The following PTN variants were observed in gnomAD, a reference collection of about 807,000 sequenced individuals.
The protein encoded by PTN is pleiotrophin.
Under a neutral mutation model 24.1 loss-of-function variants are expected in PTN, and 18 were observed. That is an observed-to-expected ratio of 0.75 (90% confidence interval 0.52 to 1.11). The LOEUF (loss-of-function observed/expected upper bound fraction) is 1.11, where lower values mean the gene tolerates loss of function less well. PTN is among the 50% of genes least tolerant of loss of function. The probability of loss-of-function intolerance (pLI) is 0.00; values close to 1 mark genes in which losing one functional copy is unlikely to be tolerated. For synonymous variants in PTN, 78 were observed against 68.6 expected, an observed-to-expected ratio of 1.14 and a Z score of -0.67; for missense variants, 163 against 198.8, an observed-to-expected ratio of 0.82 and a Z score of 1.08.
intron 1 of PTN, among the ~76,000 whole-genome samples, chr7:137,260,024 C>A (rs1247615466): frequency 1.3e-5 from 2 of 152,050 alleles, no homozygotes; most frequent in Admixed American, 1.3e-4. Flanking sequence ...ACTCATTACA[C>A]TTTTTGCTAG....
intron 1 of PTN, among the ~76,000 whole-genome samples, chr7:137,337,058 G>A (rs1331320643): frequency 3.3e-5 from 5 of 152,130 alleles, no homozygotes; most frequent in Non-Finnish European, 5.9e-5. Flanking sequence ...TGTTTCATCC[G>A]TATCCACATG....
intron 1 of PTN, among the ~76,000 whole-genome samples, chr7:137,266,680 A>G (rs769300433): frequency 1.4e-5 from 2 of 147,374 alleles, no homozygotes; most frequent in Admixed American, 6.8e-5. Flanking sequence ...TTTTAAAGCG[A>G]ACTTTCTTTA....
At chr7:137,317,464 A>G (rs761311463) in intron 1 of PTN, among the ~76,000 whole-genome samples, 19 of 151,986 alleles carry the variant, frequency 1.3e-4, no homozygotes, top group Non-Finnish European at 2.4e-4. Flanking sequence ...AATCCTAGAG[A>G]TCCCCCATGT....
intron 1 of PTN, among the ~76,000 whole-genome samples, chr7:137,304,548 A>T (rs1413940461): frequency 6.6e-6 from 1 of 152,042 alleles, no homozygotes; most frequent in African/African-American, 2.4e-5. Context: ...GAACTAAAAA[A>T]CAGGGAGGGC....
chr7:137,338,068 T>G (rs1001828568), intron 1 of PTN, among the ~76,000 whole-genome samples: 69 of 151,694 alleles, frequency 4.5e-4, no homozygotes, highest in Non-Finnish European at 9.3e-4. Flanking sequence ...CTATAAGGGG[T>G]GATGGGGAGA....
chr7:137,273,340 T>A (rs1274909236), intron 1 of PTN, among the ~76,000 whole-genome samples: 2 of 152,226 alleles, frequency 1.3e-5, no homozygotes, highest in Admixed American at 6.5e-5. Context: ...GAATTCATGT[T>A]GGATGTTGTA....
chr7:137,276,509 C>G (rs904934785), intron 1 of PTN, among the ~76,000 whole-genome samples: 3 of 152,164 alleles, frequency 2.0e-5, no homozygotes, highest in Non-Finnish European at 4.4e-5. Flanking sequence ...TTGAGGGCCC[C>G]TCAGCTGCAG....
At chr7:137,270,243 T>G (rs1809252201) in intron 1 of PTN, among the ~76,000 whole-genome samples, 1 of 152,214 alleles carries the variant, frequency 6.6e-6, no homozygotes, top group South Asian at 2.1e-4. Context: ...CATTTCCCTT[T>G]TTCGATTGTC....
At chr7:137,315,764 G>C (rs926566099) in intron 1 of PTN, among the ~76,000 whole-genome samples, 1 of 152,112 alleles carries the variant, frequency 6.6e-6, no homozygotes, top group African/African-American at 2.4e-5. Context: ...TAGAAGGGCG[G>C]CTTTGGAGCT....
chr7:137,317,563 C>A (rs1442284425), intron 1 of PTN, among the ~76,000 whole-genome samples: 1 of 152,138 alleles, frequency 6.6e-6, no homozygotes, highest in Admixed American at 6.5e-5. Context: ...TTACTGAGTT[C>A]CTTTTCATCC....
intron 4 of PTN, among the ~76,000 whole-genome samples, chr7:137,250,572 A>G: frequency 6.6e-6 from 1 of 152,232 alleles, no homozygotes; most frequent in East Asian, 1.9e-4. Flanking sequence ...CCATGATGAA[A>G]GAGTTTATTT....
chr7:137,228,652 G>A (rs1294041867), intron 4 of PTN, among the ~76,000 whole-genome samples: 1 of 151,782 alleles, frequency 6.6e-6, no homozygotes, highest in East Asian at 1.9e-4. Flanking sequence ...ACTCTCTCTG[G>A]AGCTTTGCCT....
intron 1 of PTN, among the ~76,000 whole-genome samples, chr7:137,318,192 T>C (rs571570239): frequency 4.1e-4 from 63 of 152,226 alleles, no homozygotes; most frequent in South Asian, 3.7e-3. Flanking sequence ...TGCTTGAACC[T>C]AGGTGGCAGA....
At chr7:137,323,644 A>G (rs1403737306) in intron 1 of PTN, among the ~76,000 whole-genome samples, 1 of 152,202 alleles carries the variant, frequency 6.6e-6, no homozygotes, top group Non-Finnish European at 1.5e-5. Context: ...AGTCATAGCC[A>G]TAGCCTAAGT....
intron 1 of PTN, among the ~76,000 whole-genome samples, chr7:137,264,008 A>C (rs942192590): frequency 6.6e-6 from 1 of 152,244 alleles, no homozygotes; most frequent in Admixed American, 6.5e-5. Flanking sequence ...GTCATCCTAC[A>C]GAATGAGTGA....
chr7:137,318,483 T>C (rs1229955220), intron 1 of PTN: 3 of 152,214 alleles, frequency 2.0e-5, no homozygotes, highest in Non-Finnish European at 4.4e-5. Flanking sequence ...AGTATTAACT[T>C]TTTTATATAT....
chr7:137,254,471 C>T (rs1808882691), intron 2 of PTN, among the ~76,000 whole-genome samples: 1 of 151,788 alleles, frequency 6.6e-6, no homozygotes, highest in African/African-American at 2.4e-5. Flanking sequence ...AGAGAAGGTG[C>T]TTTATCTTCT....
At chr7:137,230,678 G>A (rs1365500654) in intron 4 of PTN, among the ~76,000 whole-genome samples, 1 of 151,700 alleles carries the variant, frequency 6.6e-6, no homozygotes, top group Non-Finnish European at 1.5e-5. Flanking sequence ...AATGAGCTTT[G>A]TCACTGCTTA....
chr7:137,245,515 C>T (rs1808707841), intron 4 of PTN, among the ~76,000 whole-genome samples: 2 of 152,070 alleles, frequency 1.3e-5, no homozygotes, highest in Non-Finnish European at 2.9e-5. Flanking sequence ...AGTCATAATA[C>T]TTGAGAGTGA....
Sources: gnomAD v4.1 joint callset for allele counts (sites outside exome capture counted in the v4.1 genomes callset) on GRCh38, gnomAD v4.1.1 for gene constraint, MANE v1.5 for transcripts, NCBI Gene and HGNC (gene_info 2026-07-23, HGNC 2026-07-21) for gene names.